Variants in PPFIA2 observed in about 807,000 individuals in gnomAD.
PPFIA2 encodes PPFI scaffold protein A2.
In PPFIA2, 46 loss-of-function variants were observed where a neutral mutation model predicts 175.5. That is an observed-to-expected ratio of 0.26 (90% CI 0.21 to 0.34). The LOEUF (loss-of-function observed/expected upper bound fraction) is 0.34, where lower values mean the gene tolerates loss of function less well. PPFIA2 is among the 10% of genes least tolerant of loss of function. The pLI is 1.00. For missense variants in PPFIA2, 1,179 were observed against 1,506.1 expected, an observed-to-expected ratio of 0.78 and a Z score of 3.60; for synonymous variants, 568 against 511.4, an observed-to-expected ratio of 1.11 and a Z score of -1.49.
chr12:81,534,427 T>A (rs1208595938), intron 4 of PPFIA2, among the ~76,000 whole-genome samples: 1 of 151,652 alleles, frequency 6.6e-6, no homozygotes, highest in Non-Finnish European at 1.5e-5. Context: ...TCTATGCATG[T>A]AACAAAATAT....
chr12:81,438,449 G>A (rs1462990682), intron 7 of PPFIA2, among the ~76,000 whole-genome samples: 1 of 152,116 alleles, frequency 6.6e-6, no homozygotes, highest in Non-Finnish European at 1.5e-5. Flanking sequence ...TCCAGCCTGG[G>A]TGATAGAGCA....
At chr12:81,522,339 T>C (rs894280900) in intron 4 of PPFIA2, among the ~76,000 whole-genome samples, 6 of 152,052 alleles carry the variant, frequency 3.9e-5, no homozygotes, top group Non-Finnish European at 8.8e-5. Context: ...CACTACAATA[T>C]AAGGAAAGTT....
At chr12:81,470,203 T>C (rs1429909701) in intron 4 of PPFIA2, among the ~76,000 whole-genome samples, 1 of 152,128 alleles carries the variant, frequency 6.6e-6, no homozygotes, top group Admixed American at 6.6e-5. Flanking sequence ...AAAGGGCTGG[T>C]TGTCAAAATA....
Position 81,262,040 on chromosome 12 carries a change from A to G in PPFIA2, c.3716T>C (p.Val1239Ala). The change falls in exon 32 of 33, where the codon GTT becomes GCT. Residue 1239 changes from valine (V) to alanine (A), a missense_variant and splice_region_variant. Coordinates refer to ENST00000549396, the MANE Select transcript of PPFIA2 (RefSeq NM_003625.5). ...TAACCTCTGCAGTCTTGATGAAGCA[A>G]CTGCAAATGGAGAAAAGGGCTTTAG... Reference protein sequence around the residue: ...SGQSRKMTTDVASSRLQRLDN... With the variant: ...SGQSRKMTTDAASSRLQRLDN... 2 of 1,594,264 alleles carry G rather than the reference A, an allele frequency of 1.3e-6. No individual in the cohort carries two copies. Among genetic ancestry groups the G allele is most frequent in the Non-Finnish European group, 1.7e-6 (2 of 1,166,056 alleles).
intron 3 of PPFIA2, among the ~76,000 whole-genome samples, chr12:81,746,178 G>A (rs2083042497): frequency 6.9e-6 from 1 of 144,210 alleles, no homozygotes; most frequent in South Asian, 2.3e-4. Flanking sequence ...TGGCATAGCG[G>A]GAGTGTTCAG....
chr12:81,467,733 G>A (rs1029100369), intron 4 of PPFIA2, among the ~76,000 whole-genome samples: 5 of 152,262 alleles, frequency 3.3e-5, no homozygotes, highest in Non-Finnish European at 7.4e-5. Context: ...TGCAATGATA[G>A]TATAAAACAT....
chr12:81,472,121 T>G (rs114550764), intron 4 of PPFIA2, among the ~76,000 whole-genome samples: 20 of 152,286 alleles, frequency 1.3e-4, no homozygotes, highest in African/African-American at 4.6e-4. Flanking sequence ...TGTTGTATGA[T>G]CCTCTTAATA....
At chr12:81,727,685 T>C (rs2080270082) in intron 3 of PPFIA2, among the ~76,000 whole-genome samples, 1 of 151,352 alleles carries the variant, frequency 6.6e-6, no homozygotes, top group South Asian at 2.1e-4. Flanking sequence ...AAGTTCTCCT[T>C]TTTACTAGAT....
chr12:81,339,389 C>T, intron 20 of PPFIA2, 55 bp from the exon 21 acceptor site: 1 of 1,341,324 alleles, frequency 7.5e-7, no homozygotes, highest in Non-Finnish European at 9.8e-7. Flanking sequence ...ACACAAAAGT[C>T]ATTTCCTTTA....
At chr12:81,486,153 T>C (rs138294931) in intron 4 of PPFIA2, among the ~76,000 whole-genome samples, 2,355 of 152,024 alleles carry the variant, frequency 0.015, 52 homozygotes, top group East Asian at 0.043. Context: ...ACTTAATATG[T>C]ATCAGCTTAT....
At chr12:81,540,765 T>G (rs1392300681) in intron 4 of PPFIA2, among the ~76,000 whole-genome samples, 2 of 152,046 alleles carry the variant, frequency 1.3e-5, no homozygotes, top group African/African-American at 4.8e-5. Flanking sequence ...TTTAGAATTC[T>G]AAGCTATTTT....
intron 4 of PPFIA2, among the ~76,000 whole-genome samples, chr12:81,612,316 T>G (rs2061007506): frequency 6.6e-6 from 1 of 152,108 alleles, no homozygotes; most frequent in Admixed American, 6.6e-5. Flanking sequence ...ACTCACTCAC[T>G]TGTTCAACAA....
chr12:81,351,766 A>C (rs887477483), intron 17 of PPFIA2, among the ~76,000 whole-genome samples: 5 of 150,582 alleles, frequency 3.3e-5, no homozygotes, highest in African/African-American at 1.2e-4. Context: ...AAAGACAGGC[A>C]TGGTGGCACA....
At chr12:81,641,085 C>T (rs952212520) in intron 4 of PPFIA2, among the ~76,000 whole-genome samples, 3 of 152,068 alleles carry the variant, frequency 2.0e-5, no homozygotes, top group African/African-American at 4.8e-5. Context: ...TAACCTCAAA[C>T]GCTTTTCATT....
At chr12:81,541,037 G>A (rs2066133428) in intron 4 of PPFIA2, among the ~76,000 whole-genome samples, 2 of 151,926 alleles carry the variant, frequency 1.3e-5, no homozygotes, top group South Asian at 4.1e-4. Flanking sequence ...ATATACATAG[G>A]TAGATACTCA....
rs538358849 is a variant in PPFIA2 at position 81,671,377 on chromosome 12, TA to T, written c.303+5413del. Among the ~76,000 whole-genome samples the T allele has an allele frequency of 1.1e-4, 17 of 151,916 alleles. No individual in the cohort carries two copies. The South Asian group carries it at 3.5e-3, about 32-fold the overall frequency. On this transcript the variant is annotated intron_variant, in intron 4 of 32. Coordinates refer to ENST00000549396, the MANE Select transcript of PPFIA2 (RefSeq NM_003625.5). ...GCTTTTATTAACCATCTAATTTTTT[TA>T]AAAAATAATGTCAAGTTTCTCCTGT...
intron 4 of PPFIA2, among the ~76,000 whole-genome samples, chr12:81,538,933 T>C (rs1344427420): frequency 6.6e-6 from 1 of 151,772 alleles, no homozygotes; most frequent in Non-Finnish European, 1.5e-5. Context: ...GCGACCAGGG[T>C]AGAAGTATGG....
intron 4 of PPFIA2, among the ~76,000 whole-genome samples, chr12:81,647,066 G>A (rs113717657): frequency 0.046 from 99 of 2,168 alleles, no homozygotes; most frequent in Middle Eastern, 0.12. Context: ...TAAAAAAAAA[G>A]GGGGGGGGAG....
At chr12:81,600,685 T>A (rs760784633) in intron 4 of PPFIA2, among the ~76,000 whole-genome samples, 14 of 152,030 alleles carry the variant, frequency 9.2e-5, no homozygotes, top group Non-Finnish European at 1.6e-4. Context: ...AAGTTATATA[T>A]GTGAAATATT....
Sources: gnomAD v4.1 joint callset for allele counts (sites outside exome capture counted in the v4.1 genomes callset) on GRCh38, gnomAD v4.1.1 for gene constraint, MANE v1.5 for transcripts, NCBI Gene and HGNC (gene_info 2026-07-23, HGNC 2026-07-21) for gene names.